The following C5orf34 variants were observed in gnomAD, a reference collection of about 807,000 sequenced individuals.
C5orf34 encodes the protein chromosome 5 open reading frame 34, also known as uncharacterized protein C5orf34.
A neutral mutation model predicts 78.4 loss-of-function variants in C5orf34; 73 were observed. That is an observed-to-expected ratio of 0.93 (90% confidence interval 0.77 to 1.13). C5orf34 has a LOEUF of 1.13. C5orf34 is among the 50% of genes most tolerant of loss of function. C5orf34 has a pLI of 0.00. For synonymous variants in C5orf34, 251 were observed against 246.6 expected, an observed-to-expected ratio of 1.02 and a Z score of -0.17; for missense variants, 730 against 732.7, an observed-to-expected ratio of 1.00 and a Z score of 0.04.
At chr5:43,491,081 T>A (rs1043356537) in intron 10 of C5orf34, among the ~76,000 whole-genome samples, 4 of 152,192 alleles carry the variant, frequency 2.6e-5, no homozygotes, top group Non-Finnish European at 5.9e-5. Context: ...CAAAAAATAT[T>A]CACACAAAAT....
rs947053923 is a variant in C5orf34, at chr5:43,514,969, A to G, written c.-200T>C. 7 of 152,166 alleles carry G rather than the reference A, an allele frequency of 4.6e-5. No individual in the cohort carries two copies. The highest frequency in any genetic ancestry group is 1.4e-4 in the African/African-American group (6 of 41,434). The allele number at this position is 152,166 out of a possible 1,614,324, so 9.4% of individuals were successfully genotyped here. On this transcript the variant is annotated 5_prime_UTR_variant, in exon 1 of 13. Coordinates refer to ENST00000306862, the MANE Select transcript of C5orf34 (RefSeq NM_198566.4). Reference sequence around the variant, plus strand: ...TACCAGCGAGTGATATTTCTTGGTGAAAGAAAAAAATCACAACCCTAGAGG... The same window carrying G: ...TACCAGCGAGTGATATTTCTTGGTGGAAGAAAAAAATCACAACCCTAGAGG...
At chr5:43,501,821 T>G (rs1304877892) in intron 6 of C5orf34, among the ~76,000 whole-genome samples, 4 of 152,190 alleles carry the variant, frequency 2.6e-5, no homozygotes, top group African/African-American at 9.6e-5. Context: ...TGTGAAATGG[T>G]AGATGTCAAA....
At chr5:43,511,268 G>A (rs1161641599) in intron 1 of C5orf34, 1 of 175,896 alleles carries the variant, frequency 5.7e-6, no homozygotes, top group Non-Finnish European at 1.2e-5. Flanking sequence ...TGAGAAGTGA[G>A]GAGCCCCTCC....
intron 1 of C5orf34, among the ~76,000 whole-genome samples, 184 bp downstream of exon 1, chr5:43,514,622 C>G (rs1171194441): frequency 3.3e-5 from 5 of 152,210 alleles, no homozygotes; most frequent in Non-Finnish European, 7.3e-5. Flanking sequence ...CCATTCTCAT[C>G]TCTACAGTCT....
In C5orf34 at chr5:43,509,396, A is replaced by G. The variant is rs186608162; in HGVS notation, c.-36-21T>C. The G allele has an allele frequency of 1.8e-4, 251 of 1,383,376 alleles. 3 individuals are homozygous for G. The Admixed American group carries it at 5.6e-3, about 31-fold the overall frequency. The allele number at this position is 1,383,376 out of a possible 1,614,324, so 85.7% of individuals were successfully genotyped here. On this transcript the variant is annotated intron_variant, in intron 1 of 12. Coordinates refer to ENST00000306862, the MANE Select transcript of C5orf34 (RefSeq NM_198566.4). ...AAAGACTGAATGAAATAGGAAAAAC[A>G]ACAGCATAAATAGTTCTCTTAATGT...
intron 10 of C5orf34, among the ~76,000 whole-genome samples, chr5:43,492,004 CAAAAAA>C (rs34983529): frequency 1.2e-5 from 1 of 85,538 alleles, no homozygotes. Context: ...AACTCTGTCT[CAAAAAA>C]AAAAAAAAAA....
chr5:43,508,032 C>A (rs1302660869), intron 3 of C5orf34, among the ~76,000 whole-genome samples: 4 of 143,288 alleles, frequency 2.8e-5, no homozygotes, highest in Non-Finnish European at 6.0e-5. Flanking sequence ...GAGCCGAGAT[C>A]GTGCCACTGC....
At position 43,515,119 on chromosome 5, in the gene C5orf34, C is replaced by T. The variant is rs1458096271; in HGVS notation, c.-350G>A. ...CACAAGACCAGTTCAAAACCAGCGCCCTCAGGGAGCCGCTTCAGAGCTCCG... is the reference window on the plus strand; with the variant it reads ...CACAAGACCAGTTCAAAACCAGCGCTCTCAGGGAGCCGCTTCAGAGCTCCG... On this transcript the variant is annotated 5_prime_UTR_variant, in exon 1 of 13. Coordinates refer to ENST00000306862, the MANE Select transcript of C5orf34 (RefSeq NM_198566.4). 1 of 152,198 alleles carries T rather than the reference C, an allele frequency of 6.6e-6. No individual in the cohort carries two copies. Among genetic ancestry groups the T allele is most frequent in the Non-Finnish European group, 1.5e-5 (1 of 68,042 alleles). The allele number at this position is 152,198 out of a possible 1,614,324, so 9.4% of individuals were successfully genotyped here.
chr5:43,495,190 A>G, intron 6 of C5orf34: 1 of 1,611,524 alleles, frequency 6.2e-7, no homozygotes, highest in Non-Finnish European at 8.5e-7. Flanking sequence ...CACGAACAGC[A>G]AAATGACCCA....
At chr5:43,495,034 A>G (rs1745443398) in intron 6 of C5orf34, 1 of 1,413,014 alleles carries the variant, frequency 7.1e-7, no homozygotes, top group Non-Finnish European at 1.0e-6. Context: ...TTCTTCCACC[A>G]CTGATTAAGA....
rs149627221 is a variant in C5orf34, at chr5:43,506,316, T to C, written c.364A>G (p.Ile122Val). 1.7e-5 allele frequency: 27 copies of C among 1,614,110 alleles called. No homozygotes were observed. In the African/African-American group the frequency reaches 3.2e-4, roughly 19 times the overall value. ...DGTMIYMESG[I>V]VKITSLDGHA... ...CCATCTAAAGATGTTATCTTCACAA[T>C]GCCACTCTCCATATATATCATGGTA... is the stretch of plus-strand genomic sequence containing the variant. Residue 122 changes from isoleucine to valine, a missense_variant, in exon 4 of 13, where the codon ATT becomes GTT. Coordinates refer to ENST00000306862, the MANE Select transcript of C5orf34 (RefSeq NM_198566.4).
At position 43,506,258 on chromosome 5, in the gene C5orf34, T is replaced by C. The variant is rs1745980302; in HGVS notation, c.422A>G (p.His141Arg). The C allele has an allele frequency of 6.2e-7, 1 of 1,614,084 alleles. No individual in the cohort carries two copies. Among genetic ancestry groups the C allele is most frequent in the Non-Finnish European group, 8.5e-7 (1 of 1,180,052 alleles). The change falls in exon 4 of 13, where the codon CAT becomes CGT. Residue 141 changes from histidine to arginine, a missense_variant. His to Arg is a conservative substitution (Grantham distance 29). Coordinates refer to ENST00000306862, the MANE Select transcript of C5orf34 (RefSeq NM_198566.4). ...ACACAAAAAATGTACTGTAAATTCA[T>C]GCTGAGATCTGGGCAGGCAGAGGTA... ...HAYLCLPRSQ[H>R]EFTVHFLCKV...
chr5:43,493,862 G>A (rs1745387851), intron 7 of C5orf34, among the ~76,000 whole-genome samples: 1 of 152,104 alleles, frequency 6.6e-6, no homozygotes, highest in Non-Finnish European at 1.5e-5. Flanking sequence ...TCCATGGACA[G>A]AATTTTCAGG....
chr5:43,514,049 T>G (rs1304145733), intron 1 of C5orf34: 1 of 152,204 alleles, frequency 6.6e-6, no homozygotes, highest in Non-Finnish European at 1.5e-5. Context: ...CTGCTCCTCT[T>G]GAATTTGCAA....
chr5:43,491,365 A>G (rs1561206668), intron 10 of C5orf34, among the ~76,000 whole-genome samples: 1 of 152,204 alleles, frequency 6.6e-6, no homozygotes, highest in Non-Finnish European at 1.5e-5. Context: ...AATACATTCA[A>G]GAGGTAACAA....
intron 1 of C5orf34, among the ~76,000 whole-genome samples, chr5:43,512,625 C>T (rs779265381): frequency 8.5e-5 from 13 of 152,180 alleles, no homozygotes; most frequent in Non-Finnish European, 1.9e-4. Flanking sequence ...TTTTCTTCTT[C>T]ACTTCTACCT....
In C5orf34 at chr5:43,503,775, A is replaced by G. The variant is rs1027180111; in HGVS notation, c.933-15T>C. ...AAAAATTCCACCTGTGAAGGATAAA[A>G]TACAAGCTATTACTTCTGGTTGCTC... On this transcript the variant is annotated splice_polypyrimidine_tract_variant and intron_variant, in intron 4 of 12. Coordinates refer to ENST00000306862, the MANE Select transcript of C5orf34 (RefSeq NM_198566.4). 6.5e-6 allele frequency: 10 copies of G among 1,527,080 alleles called. No individual in the cohort carries two copies. Among genetic ancestry groups the G allele is most frequent in the Admixed American group, 5.0e-5 (3 of 59,842 alleles). The allele number at this position is 1,527,080 out of a possible 1,614,324, so 94.6% of individuals were successfully genotyped here. A position where few individuals can be genotyped will look rare whatever the true frequency, so the allele number is the denominator to read the frequency against.
At chr5:43,509,435 C>G (rs1195347850) in intron 1 of C5orf34, 60 bp from the exon 2 acceptor site, 1 of 965,796 alleles carries the variant, frequency 1.0e-6, no homozygotes, top group Admixed American at 3.1e-5. Flanking sequence ...AAACTTTTAT[C>G]AAAATAAGTG....
At position 43,509,175 on chromosome 5, in the gene C5orf34, T is replaced by C; in HGVS notation, c.165A>G (p.Gln55=). ...AAGTGCTAATGACAAAATGTGTCCT[T>C]TGACGAATTCTTTCTGGTTGTTCTA... is the stretch of plus-strand genomic sequence containing the variant. ...HPLEQPERIR[Q]RTHFVISTYR... is the part of the protein sequence containing the mutation. The change falls in exon 2 of 13, where the codon CAA becomes CAG. Residue 55 remains glutamine (Q), a synonymous_variant. Transcript: ENST00000306862. 1 of 1,613,600 alleles carries C rather than the reference T, an allele frequency of 6.2e-7. No individual in the cohort carries two copies. Among genetic ancestry groups the C allele is most frequent in the Non-Finnish European group, 8.5e-7 (1 of 1,179,896 alleles).
Sources: gnomAD v4.1 joint callset for allele counts (sites outside exome capture counted in the v4.1 genomes callset) on GRCh38, gnomAD v4.1.1 for gene constraint, MANE v1.5 for transcripts, NCBI Gene and HGNC (gene_info 2026-07-23, HGNC 2026-07-21) for gene names.